The following PHLDB3 variants were observed in gnomAD, a reference collection of about 807,000 sequenced individuals.
PHLDB3 encodes the protein pleckstrin homology like domain family B member 3.
Under a neutral mutation model 85.7 loss-of-function variants are expected in PHLDB3, and 86 were observed. The observed-to-expected ratio is 1.00, with a 90% confidence interval of 0.84 to 1.20. The LOEUF is 1.20. Among genes scored for constraint, PHLDB3 ranks in the 50% most tolerant of loss-of-function variants. The pLI, the probability that PHLDB3 is intolerant of heterozygous loss-of-function variation, is 0.00. For synonymous variants in PHLDB3, 376 were observed against 349.8 expected (o/e 1.07, Z -0.83); for missense variants, 995 against 873.0 (o/e 1.14, Z -1.76).
chr19:43,502,492 T>C (rs1971635422), intron 2 of PHLDB3, among the ~76,000 whole-genome samples: 1 of 147,230 alleles, frequency 6.8e-6, no homozygotes, highest in Non-Finnish European at 1.5e-5. Context: ...AGGGTCTCAC[T>C]GGCTGGAGTG....
At chr19:43,475,587 C>T (rs376839242) in intron 15 of PHLDB3, 43 bp from the exon 16 acceptor site, 10 of 1,611,454 alleles carry the variant, frequency 6.2e-6, no homozygotes, top group Admixed American at 1.7e-5. Flanking sequence ...CAAAAGACAC[C>T]GGCCACAGTC....
chr19:43,478,023 C>A, intron 15 of PHLDB3, 24 bp downstream of exon 15: 1 of 1,587,108 alleles, frequency 6.3e-7, no homozygotes, highest in Non-Finnish European at 8.6e-7. Flanking sequence ...ACTGGGAGGT[C>A]AGGGTGACAT....
chr19:43,487,175 T>G (rs79480963), intron 9 of PHLDB3, 52 bp from the exon 10 acceptor site: 79,296 of 1,474,246 alleles, frequency 0.054, 2,540 homozygotes, highest in Middle Eastern at 0.093. Context: ...ATCTCCAACC[T>G]AAGTCAGAGC....
chr19:43,475,487 CCATGTAG>C lies in PHLDB3; in HGVS notation c.1839_1845del (p.Phe613LeufsTer17). On this transcript the variant is annotated frameshift_variant, in exon 16 of 16. Transcript: ENST00000292140. LOFTEE classifies it high-confidence loss of function. ...CGCATGGCTTCGGGGCTCGGAGCCA[CCATGTAG>C]AAAAGGCGTTCGTAGGTTTTGACGC... 6.2e-7 allele frequency: 1 copy of C among 1,613,938 alleles called. No homozygotes were observed. The highest frequency in any genetic ancestry group is 8.5e-7 in the Non-Finnish European group (1 of 1,179,878).
intron 6 of PHLDB3, chr19:43,496,159 G>A: frequency 6.5e-6 from 1 of 153,444 alleles, no homozygotes; most frequent in Non-Finnish European, 1.4e-5. Flanking sequence ...GGGATTACAG[G>A]CATGCGTCAC....
chr19:43,488,949 G>A (rs575725716), intron 9 of PHLDB3, among the ~76,000 whole-genome samples: 17 of 152,180 alleles, frequency 1.1e-4, no homozygotes, highest in Middle Eastern at 3.4e-3. Flanking sequence ...ACAGGCATGT[G>A]CCACCACGCC....
intron 15 of PHLDB3, among the ~76,000 whole-genome samples, chr19:43,477,545 G>A (rs1308666826): frequency 6.7e-5 from 10 of 148,420 alleles, no homozygotes; most frequent in African/African-American, 1.0e-4. Flanking sequence ...CGTGTGGTGC[G>A]GTGGTTCACG....
At chr19:43,484,945 G>T (rs1971121295) in intron 13 of PHLDB3, among the ~76,000 whole-genome samples, 1 of 151,734 alleles carries the variant, frequency 6.6e-6, no homozygotes, top group South Asian at 2.1e-4. Context: ...GGACAACATA[G>T]CAAGACTCTA....
At position 43,486,782 on chromosome 19, in the gene PHLDB3, AT is replaced by A. The variant is rs1160792013; in HGVS notation, c.1337del (p.Asn446IlefsTer95). ...CCACCTTCTCTCTGATGTCTCACCT[AT>A]TCCCACGGCCACAGTTCAGCAGCTG... ...LYQLLNCGRG[N>X]SCGAIHPDIA... On this transcript the variant is annotated frameshift_variant, in exon 11 of 16. Transcript: ENST00000292140. LOFTEE classifies it high-confidence loss of function. 5.0e-6 allele frequency: 8 copies of A among 1,603,976 alleles called. No individual in the cohort carries two copies. Among genetic ancestry groups the A allele is most frequent in the Non-Finnish European group, 6.8e-6 (8 of 1,174,036 alleles).
At chr19:43,498,770 A>G (rs201890497) in intron 4 of PHLDB3, among the ~76,000 whole-genome samples, 2 of 152,288 alleles carry the variant, frequency 1.3e-5, no homozygotes, top group East Asian at 3.9e-4. Flanking sequence ...AAACAAAACA[A>G]AACAATCAGG....
rs761928410 is a variant in PHLDB3, at chr19:43,504,134, T to C, written c.-14-2A>G. ...GCGTCCCCATGGCCGCTGGGACTCC[T>C]GCGGGGTGGGCGGGACCAGAAGCTC... On this transcript the variant is annotated splice_acceptor_variant, in intron 1 of 15. Transcript: ENST00000292140. LOFTEE classifies it low-confidence loss of function (5UTR_SPLICE). 13 of 1,574,392 alleles carry C rather than the reference T, an allele frequency of 8.3e-6. No homozygotes were observed. The highest frequency in any genetic ancestry group is 2.3e-5 in the East Asian group (1 of 42,614).
chr19:43,498,748 G>C (rs925554069), intron 4 of PHLDB3, among the ~76,000 whole-genome samples: 1 of 152,112 alleles, frequency 6.6e-6, no homozygotes, highest in Non-Finnish European at 1.5e-5. Flanking sequence ...GTGAGACCCT[G>C]TCTCAAAATC....
At position 43,479,528 on chromosome 19, in the gene PHLDB3, T is replaced by A. The variant is rs1267176468; in HGVS notation, c.1551A>T (p.Gly517=). The A allele has an allele frequency of 7.8e-7, 1 of 1,276,512 alleles. No homozygotes were observed. Among genetic ancestry groups the A allele is most frequent in the Admixed American group, 2.7e-5 (1 of 37,530 alleles). The allele number at this position is 1,276,512 out of a possible 1,614,324, so 79.1% of individuals were successfully genotyped here. The change falls in exon 14 of 16, where the codon GGA becomes GGT. Residue 517 remains glycine (G), a synonymous_variant. Coordinates refer to ENST00000292140, the MANE Select transcript of PHLDB3 (RefSeq NM_198850.4). ...GGCAGTTTTCCGGGTTGTGGCCCCA[T>A]CCCTCCAGATGCTGCCGGAGATCCA... ...RILDLRQHLE[G]WGHNPENCPH...
intron 4 of PHLDB3, among the ~76,000 whole-genome samples, chr19:43,499,817 G>A (rs527334567): frequency 1.3e-5 from 2 of 152,144 alleles, no homozygotes; most frequent in South Asian, 2.1e-4. Flanking sequence ...CCTGGGAGCT[G>A]CAACCTCCAC....
Position 43,481,221 on chromosome 19 carries a change from C to T in PHLDB3, c.1486-1628G>A, listed in dbSNP as rs1308625590. ...AGCAGGATGGGTGCGGTGGCTCACACGTGTAATCCCAGCACTTTGGGAGGC... is the reference window on the plus strand; with the variant it reads ...AGCAGGATGGGTGCGGTGGCTCACATGTGTAATCCCAGCACTTTGGGAGGC... On this transcript the variant is annotated intron_variant, in intron 13 of 15. Coordinates refer to ENST00000292140, the MANE Select transcript of PHLDB3 (RefSeq NM_198850.4). Among the ~76,000 whole-genome samples the T allele has an allele frequency of 5.9e-5, 9 of 152,234 alleles. No individual in the cohort carries two copies. The East Asian group carries it at 9.7e-4, about 16-fold the overall frequency.
At chr19:43,501,197 T>G (rs1971587937) in intron 4 of PHLDB3, among the ~76,000 whole-genome samples, 1 of 88,706 alleles carries the variant, frequency 1.1e-5, no homozygotes, top group African/African-American at 4.4e-5. Flanking sequence ...TTTTTTTTTT[T>G]GAGACGGAGT....
At chr19:43,475,857 G>T (rs866152319) in intron 15 of PHLDB3, among the ~76,000 whole-genome samples, 1 of 151,846 alleles carries the variant, frequency 6.6e-6, no homozygotes, top group Non-Finnish European at 1.5e-5. Context: ...GTGCAGTGGC[G>T]CAATCTTGGC....
At chr19:43,497,077 A>G (rs201797102) in intron 6 of PHLDB3, 41 bp downstream of exon 6, 2 of 1,399,344 alleles carry the variant, frequency 1.4e-6, no homozygotes, top group Non-Finnish European at 1.9e-6. Flanking sequence ...GGAGACAGAG[A>G]GGAGCAGCAA....
At chr19:43,494,370 A>G (rs1259662895) in intron 9 of PHLDB3, among the ~76,000 whole-genome samples, 1 of 150,856 alleles carries the variant, frequency 6.6e-6, no homozygotes, top group Non-Finnish European at 1.5e-5. Flanking sequence ...GGAAGTCTAG[A>G]AGGATTCTCA....
Sources: allele counts gnomAD v4.1 joint callset (sites outside exome capture counted in the v4.1 genomes callset), GRCh38; gene constraint gnomAD v4.1.1; transcripts MANE v1.5; gene names NCBI Gene and HGNC (gene_info 2026-07-23, HGNC 2026-07-21).